Variants in NCS1 observed in about 807,000 individuals in gnomAD.
The protein encoded by NCS1 is frequenin homolog.
In NCS1, 6 loss-of-function variants were observed where a neutral mutation model predicts 28.4. That is an observed-to-expected ratio of 0.21 (90% CI 0.12 to 0.42). NCS1 has a LOEUF of 0.42. NCS1 is among the 10% of genes least tolerant of loss of function. NCS1 has a pLI of 1.00. For missense variants in NCS1, 131 were observed against 241.4 expected, an observed-to-expected ratio of 0.54 and a Z score of 3.03; for synonymous variants, 86 against 99.3, an observed-to-expected ratio of 0.87 and a Z score of 0.79.
rs73545535 is a variant in NCS1 at position 130,194,557 on chromosome 9, C to T, written c.65-6401C>T. ...GGCCCTGTGTCGGCTCTGATTTCTC[C>T]ATCCACTCCTCAACAACCTTGACAA... On this transcript the variant is annotated intron_variant, in intron 1 of 7. Coordinates refer to ENST00000372398, the MANE Select transcript of NCS1 (RefSeq NM_014286.4). Among the ~76,000 whole-genome samples, 947 of 152,320 alleles carry T rather than the reference C, an allele frequency of 6.2e-3. 9 individuals are homozygous for T. The highest frequency in any genetic ancestry group is 0.021 in the African/African-American group (868 of 41,560).
At chr9:130,222,077 TATAA>T (rs1833333130) in intron 4 of NCS1, among the ~76,000 whole-genome samples, 1 of 114,292 alleles carries the variant, frequency 8.7e-6, no homozygotes, top group Non-Finnish European at 1.7e-5. Flanking sequence ...ATTATGTATC[TATAA>T]ATATATATAT....
At chr9:130,204,898 G>A (rs914058432) in intron 2 of NCS1, among the ~76,000 whole-genome samples, 2 of 152,030 alleles carry the variant, frequency 1.3e-5, no homozygotes, top group African/African-American at 4.8e-5. Flanking sequence ...AGGCCCAGGG[G>A]GGTGAGTGAC....
chr9:130,222,223 C>T (rs1042236744), intron 4 of NCS1, among the ~76,000 whole-genome samples: 8 of 150,940 alleles, frequency 5.3e-5, no homozygotes, highest in East Asian at 1.9e-4. Context: ...GGCTTGATCT[C>T]GGCTTATTGC....
chr9:130,209,787 T>C lies in NCS1; in HGVS notation c.90-8045T>C. ...AGAACGCCGTTGTTGAATCTAGGAT[T>C]TTCTTTTCTCATCTCTACCCTGTCT... On this transcript the variant is annotated intron_variant, in intron 2 of 7. Coordinates refer to ENST00000372398, the MANE Select transcript of NCS1 (RefSeq NM_014286.4). This position sits in a 1 kb window ranked among gnomAD's most constrained non-coding sequence, Gnocchi z 4.4. Among the ~76,000 whole-genome samples the C allele has an allele frequency of 1.3e-5, 2 of 152,116 alleles. No homozygotes were observed. The highest frequency in any genetic ancestry group is 3.9e-4 in the East Asian group (2 of 5,182).
chr9:130,177,992 G>A lies in NCS1; in HGVS notation c.64+5265G>A, dbSNP rs552963679. 6.6e-6 allele frequency among the ~76,000 whole-genome samples: 1 copy of A among 152,292 alleles called. No individual in the cohort carries two copies. The highest frequency in any genetic ancestry group is 1.5e-5 in the Non-Finnish European group (1 of 68,016). On this transcript the variant is annotated intron_variant, in intron 1 of 7. Coordinates refer to ENST00000372398, the MANE Select transcript of NCS1 (RefSeq NM_014286.4). The surrounding 1 kb of genome is among the most constrained non-coding windows in gnomAD (Gnocchi z 4.4). ...GGATTCGGGGCATATGAAGGGTTTAGCTTGGTGCCTGGTTCTGAGGGGAAC... is the reference window on the plus strand; with the variant it reads ...GGATTCGGGGCATATGAAGGGTTTAACTTGGTGCCTGGTTCTGAGGGGAAC...
At chr9:130,188,671 A>C (rs1454773468) in intron 1 of NCS1, among the ~76,000 whole-genome samples, 2 of 151,138 alleles carry the variant, frequency 1.3e-5, no homozygotes, top group Non-Finnish European at 2.9e-5. Flanking sequence ...TTGGCCTCCC[A>C]AAGTGCTGGG....
Position 130,233,025 on chromosome 9 carries a change from AG to A in NCS1, c.*55del. 6.5e-6 allele frequency: 1 copy of A among 153,032 alleles called. No individual in the cohort carries two copies. Among genetic ancestry groups the A allele is most frequent in the Non-Finnish European group, 1.5e-5 (1 of 68,368 alleles). The allele number at this position is 153,032 out of a possible 1,614,324, so 9.5% of individuals were successfully genotyped here. Reference sequence around the variant, plus strand: ...ACCACTCACCTCCTTCTGTGCCATGAGGCCACCTCAGCCCTGACACCAACCC... The same window carrying A: ...ACCACTCACCTCCTTCTGTGCCATGAGCCACCTCAGCCCTGACACCAACCC... On this transcript the variant is annotated 3_prime_UTR_variant, in exon 8 of 8. Coordinates refer to ENST00000372398, the MANE Select transcript of NCS1 (RefSeq NM_014286.4). The surrounding 1 kb of genome is among the most constrained non-coding windows in gnomAD (Gnocchi z 4.8).
At chr9:130,213,817 G>C (rs1424104526) in intron 2 of NCS1, among the ~76,000 whole-genome samples, 2 of 152,092 alleles carry the variant, frequency 1.3e-5, no homozygotes, top group Admixed American at 6.5e-5. Flanking sequence ...GACCTCAAAT[G>C]ATCCGCCCAC....
At chr9:130,223,275 G>A in intron 6 of NCS1, 116 bp downstream of exon 6, 2 of 908,286 alleles carry the variant, frequency 2.2e-6, no homozygotes, top group Non-Finnish European at 3.5e-6. Flanking sequence ...ATGGCTCACG[G>A]CAGGCGGCAC....
intron 1 of NCS1, 49 bp from the exon 2 acceptor site, chr9:130,200,909 G>A (rs544554360): frequency 1.1e-5 from 18 of 1,613,522 alleles, no homozygotes; most frequent in South Asian, 4.4e-5. Flanking sequence ...CCCATCTCCC[G>A]GGACACCTTC....
Position 130,226,863 on chromosome 9 carries a change from A to G in NCS1, c.*17+359A>G, listed in dbSNP as rs1833422979. On this transcript the variant is annotated intron_variant, in intron 7 of 7. Transcript: ENST00000372398. This position sits in a 1 kb window ranked among gnomAD's most constrained non-coding sequence, Gnocchi z 4.8. Reference sequence around the variant, plus strand: ...AACATGGTGAAACCCCGTCTCTACTAAAAATACAAAAATCAGGCGGGCGTG... The same window carrying G: ...AACATGGTGAAACCCCGTCTCTACTGAAAATACAAAAATCAGGCGGGCGTG... 6.6e-6 allele frequency among the ~76,000 whole-genome samples: 1 copy of G among 151,892 alleles called. No homozygotes were observed. Among genetic ancestry groups the G allele is most frequent in the Non-Finnish European group, 1.5e-5 (1 of 67,988 alleles).
In NCS1 at chr9:130,215,514, C is replaced by T. The variant is rs60456191; in HGVS notation, c.90-2318C>T. Among the ~76,000 whole-genome samples the T allele has an allele frequency of 8.0e-3, 1,221 of 152,270 alleles. 21 individuals are homozygous for T. Among genetic ancestry groups the T allele is most frequent in the African/African-American group, 0.028 (1,166 of 41,550 alleles). On this transcript the variant is annotated intron_variant, in intron 2 of 7. Coordinates refer to ENST00000372398, the MANE Select transcript of NCS1 (RefSeq NM_014286.4). The surrounding 1 kb of genome is among the most constrained non-coding windows in gnomAD (Gnocchi z 4.2). ...GCGGACATCACATGCACGGGAGGGA[C>T]GGATGCTGGGGTCGCACACTGGCCG...
At chr9:130,222,396 G>A (rs1833343237) in intron 4 of NCS1, among the ~76,000 whole-genome samples, 1 of 151,940 alleles carries the variant, frequency 6.6e-6, no homozygotes. Context: ...CAAGCAGTCT[G>A]CTCACCTCAG....
chr9:130,201,651 G>A (rs72759197), intron 2 of NCS1, among the ~76,000 whole-genome samples: 2,414 of 152,234 alleles, frequency 0.016, 38 homozygotes, highest in Middle Eastern at 0.037. Flanking sequence ...GTAGGGACAT[G>A]AGGCAATGAG....
intron 2 of NCS1, among the ~76,000 whole-genome samples, chr9:130,203,808 A>G (rs528036925): frequency 1.3e-5 from 2 of 152,010 alleles, no homozygotes; most frequent in Non-Finnish European, 2.9e-5. Flanking sequence ...CCCAGAGGAG[A>G]CGACCCCATC....
At chr9:130,200,916 C>T (rs782424311) in intron 1 of NCS1, 42 bp from the exon 2 acceptor site, 3 of 1,614,092 alleles carry the variant, frequency 1.9e-6, no homozygotes, top group Admixed American at 1.7e-5. Context: ...CCCGGGACAC[C>T]TTCCCTGAGC....
At chr9:130,221,846 A>T (rs1344712714) in intron 4 of NCS1, among the ~76,000 whole-genome samples, 1 of 1,114 alleles carries the variant, frequency 9.0e-4, no homozygotes, top group East Asian at 0.056. Flanking sequence ...ATATATACAT[A>T]AATATAAATT....
intron 1 of NCS1, chr9:130,200,547 G>C: frequency 6.4e-7 from 1 of 1,551,314 alleles, no homozygotes; most frequent in Non-Finnish European, 8.7e-7. Flanking sequence ...TGGGGCAGCC[G>C]AGTGCCTGGG....
chr9:130,222,934 T>C, intron 5 of NCS1, 148 bp from the exon 6 acceptor site: 1 of 729,542 alleles, frequency 1.4e-6, no homozygotes, highest in South Asian at 1.5e-5. Flanking sequence ...GTGTGGGATG[T>C]TCCAGGGCAC....
Sources: gnomAD v4.1 joint callset for allele counts (sites outside exome capture counted in the v4.1 genomes callset) on GRCh38, gnomAD v4.1.1 for gene constraint, Gnocchi (gnomAD v3.1) non-coding constraint, MANE v1.5 for transcripts, NCBI Gene and HGNC (gene_info 2026-07-23, HGNC 2026-07-21) for gene names.